Variants in MPP7 observed in about 807,000 individuals in gnomAD.
The protein encoded by MPP7 is MAGUK p55 subfamily member 7.
Under a neutral mutation model 76.5 loss-of-function variants are expected in MPP7, and 60 were observed. The observed-to-expected ratio is 0.78, with a 90% confidence interval of 0.64 to 0.97. MPP7 has a LOEUF of 0.97. Among genes scored for constraint, MPP7 ranks in the 50% least tolerant of loss-of-function variants. The probability of loss-of-function intolerance (pLI) is 0.00; values close to 1 mark genes in which losing one functional copy is unlikely to be tolerated. For synonymous variants in MPP7, 237 were observed against 244.5 expected, an observed-to-expected ratio of 0.97 and a Z score of 0.29; for missense variants, 641 against 694.0, an observed-to-expected ratio of 0.92 and a Z score of 0.86.
intron 1 of MPP7, among the ~76,000 whole-genome samples, chr10:28,296,557 A>G (rs1589037932): frequency 6.6e-6 from 1 of 152,324 alleles, no homozygotes; most frequent in East Asian, 1.9e-4. Flanking sequence ...TCTATACCCA[A>G]AATGGATATC....
intron 11 of MPP7, among the ~76,000 whole-genome samples, chr10:28,098,035 C>T (rs868766817): frequency 1.3e-5 from 2 of 152,056 alleles, no homozygotes; most frequent in South Asian, 2.1e-4. Flanking sequence ...ACATTATTCA[C>T]CAATACAGTA....
chr10:28,098,033 C>T (rs1853649080), intron 11 of MPP7, among the ~76,000 whole-genome samples: 1 of 152,114 alleles, frequency 6.6e-6, no homozygotes. Context: ...AAACATTATT[C>T]ACCAATACAG....
At position 28,052,691 on chromosome 10, in the gene MPP7, T is replaced by G. The variant is rs1851403418; in HGVS notation, c.*1374A>C. ...TTTGATATTTAAAAAAATATGCCTT[T>G]AAAATATTTCATAAATATATAGAAT... On this transcript the variant is annotated 3_prime_UTR_variant, in exon 17 of 17. Transcript: ENST00000683449. 1 of 152,408 alleles carries G rather than the reference T, an allele frequency of 6.6e-6. No individual in the cohort carries two copies. 9.4% of individuals were successfully genotyped at this position (152,408 alleles called of 1,614,324 possible).
intron 2 of MPP7, among the ~76,000 whole-genome samples, chr10:28,220,540 C>T (rs935445410): frequency 6.6e-6 from 1 of 152,134 alleles, no homozygotes; most frequent in African/African-American, 2.4e-5. Context: ...GACAGTAAAT[C>T]TGGATTTTAC....
rs57130444 is a variant in MPP7 at position 28,088,316 on chromosome 10, T to C, written c.1123+1355A>G. ...ACCCAAGTCTCATGTTGAACTGTAA[T>C]TCTCAATGCTGGGGGAGGGACCTGG... On this transcript the variant is annotated intron_variant, in intron 12 of 16. Transcript: ENST00000683449. 3.5e-3 allele frequency among the ~76,000 whole-genome samples: 528 copies of C among 152,288 alleles called. 1 individual carries two copies. The highest frequency in any genetic ancestry group is 0.011 in the African/African-American group (464 of 41,552).
At chr10:28,084,650 C>G (rs1413633251) in intron 12 of MPP7, among the ~76,000 whole-genome samples, 1 of 152,082 alleles carries the variant, frequency 6.6e-6, no homozygotes, top group Non-Finnish European at 1.5e-5. Flanking sequence ...CTATGGCAAT[C>G]AAAAAACTAT....
chr10:28,122,083 T>C (rs1030152038), intron 8 of MPP7, among the ~76,000 whole-genome samples: 3 of 152,216 alleles, frequency 2.0e-5, no homozygotes, highest in African/African-American at 7.2e-5. Flanking sequence ...CTATTGCTTA[T>C]TGTAGAAGGC....
chr10:28,196,645 G>C (rs1031572951), intron 3 of MPP7, among the ~76,000 whole-genome samples: 6 of 152,118 alleles, frequency 3.9e-5, no homozygotes, highest in African/African-American at 1.4e-4. Context: ...GCTTATACAG[G>C]TCTCCTGGTA....
chr10:28,222,068 G>A (rs1226935140), intron 2 of MPP7, among the ~76,000 whole-genome samples: 1 of 151,998 alleles, frequency 6.6e-6, no homozygotes, highest in Non-Finnish European at 1.5e-5. Context: ...AAACAGAAAA[G>A]ACTATTTTAA....
At chr10:28,191,708 C>T (rs890470122) in intron 3 of MPP7, among the ~76,000 whole-genome samples, 1 of 152,160 alleles carries the variant, frequency 6.6e-6, no homozygotes, top group African/African-American at 2.4e-5. Flanking sequence ...ACCAATACCA[C>T]GACCAAATAA....
intron 11 of MPP7, among the ~76,000 whole-genome samples, chr10:28,093,408 T>C (rs1245300212): frequency 1.3e-5 from 2 of 151,926 alleles, no homozygotes; most frequent in Non-Finnish European, 2.9e-5. Context: ...GCTTACCTAA[T>C]TGAGCCTTTA....
intron 3 of MPP7, among the ~76,000 whole-genome samples, chr10:28,169,906 A>G (rs1241396190): frequency 1.3e-5 from 2 of 152,144 alleles, no homozygotes; most frequent in Non-Finnish European, 2.9e-5. Flanking sequence ...TCTAATCCTT[A>G]TCCCCACTCT....
chr10:28,120,173 T>C, intron 10 of MPP7, 21 bp downstream of exon 10: 4 of 1,604,860 alleles, frequency 2.5e-6, no homozygotes, highest in Non-Finnish European at 3.4e-6. Flanking sequence ...GAAAAGCCAT[T>C]ATTATGTACC....
intron 1 of MPP7, among the ~76,000 whole-genome samples, chr10:28,333,914 C>A (rs1202570793): frequency 2.0e-5 from 3 of 152,092 alleles, no homozygotes; most frequent in Non-Finnish European, 4.4e-5. Flanking sequence ...CCAAGGGGGC[C>A]GGCTGCGGTG....
intron 2 of MPP7, among the ~76,000 whole-genome samples, chr10:28,204,103 T>A (rs1837869539): frequency 6.6e-6 from 1 of 152,172 alleles, no homozygotes; most frequent in Non-Finnish European, 1.5e-5. Flanking sequence ...GAGCCTTATT[T>A]CCCTCATGTG....
intron 16 of MPP7, among the ~76,000 whole-genome samples, chr10:28,055,556 T>C (rs963973102): frequency 2.0e-5 from 3 of 152,204 alleles, no homozygotes; most frequent in Non-Finnish European, 4.4e-5. Context: ...CCAGAACCCA[T>C]AATAGTCATG....
At chr10:28,250,355 T>C (rs1316936405) in intron 1 of MPP7, among the ~76,000 whole-genome samples, 1 of 152,212 alleles carries the variant, frequency 6.6e-6, no homozygotes, top group Non-Finnish European at 1.5e-5. Flanking sequence ...TACTATTCTT[T>C]CTACTTTTCT....
At chr10:28,316,182 A>G (rs1834317340) in intron 2 of MPP7, among the ~76,000 whole-genome samples, 1 of 152,188 alleles carries the variant, frequency 6.6e-6, no homozygotes, top group African/African-American at 2.4e-5. Flanking sequence ...CACGCCTGTA[A>G]TCCGAGGACT....
rs531226910 is a variant in MPP7 at position 28,262,384 on chromosome 10, C to T, written c.-131-23649G>A. Among the ~76,000 whole-genome samples the T allele has an allele frequency of 6.7e-5, 10 of 149,078 alleles. No individual in the cohort carries two copies. In the South Asian group the frequency reaches 2.1e-3, roughly 32 times the overall value. On this transcript the variant is annotated intron_variant, in intron 1 of 16. Transcript: ENST00000683449. Reference sequence around the variant, plus strand: ...GTGCTGGGATTACAGGTGTGAGCCACCATGCCCAGCCAATAATATAATTTT... The same window carrying T: ...GTGCTGGGATTACAGGTGTGAGCCATCATGCCCAGCCAATAATATAATTTT...
Sources: gnomAD v4.1 joint callset for allele counts (sites outside exome capture counted in the v4.1 genomes callset) on GRCh38, gnomAD v4.1.1 for gene constraint, MANE v1.5 for transcripts, NCBI Gene and HGNC (gene_info 2026-07-23, HGNC 2026-07-21) for gene names.